Variants in RSRC1 observed in about 807,000 individuals in gnomAD.
RSRC1 encodes the protein serine/Arginine-related protein 53.
A neutral mutation model predicts 49.1 loss-of-function variants in RSRC1; 39 were observed. That is an observed-to-expected ratio of 0.79 (90% CI 0.61 to 1.04). The LOEUF (loss-of-function observed/expected upper bound fraction) is 1.04. RSRC1 is among the 50% of genes least tolerant of loss of function. The probability of loss-of-function intolerance (pLI) is 0.00; values close to 1 mark genes in which losing one functional copy is unlikely to be tolerated. For synonymous variants in RSRC1, 143 were observed against 130.8 expected (o/e 1.09, Z -0.63); for missense variants, 388 against 402.4 (o/e 0.96, Z 0.31).
intron 7 of RSRC1, among the ~76,000 whole-genome samples, chr3:158,510,895 T>G (rs1250979373): frequency 6.6e-6 from 1 of 152,206 alleles, no homozygotes; most frequent in East Asian, 1.9e-4. Context: ...ATTAAATAGA[T>G]TAAGTAAATA....
chr3:158,387,589 C>T (rs1317522544), intron 6 of RSRC1, among the ~76,000 whole-genome samples: 3 of 152,104 alleles, frequency 2.0e-5, no homozygotes, highest in African/African-American at 7.2e-5. Context: ...TTTCACTGGA[C>T]TCAGTGCCTT....
intron 6 of RSRC1, among the ~76,000 whole-genome samples, chr3:158,429,787 G>A (rs1043962777): frequency 1.6e-4 from 24 of 151,202 alleles, no homozygotes; most frequent in Admixed American, 1.3e-3. Flanking sequence ...ACAGAAAGAC[G>A]AACACTGCAT....
chr3:158,414,075 A>G (rs1734612213), intron 6 of RSRC1, among the ~76,000 whole-genome samples: 1 of 152,214 alleles, frequency 6.6e-6, no homozygotes, highest in Admixed American at 6.5e-5. Context: ...AATATAAATT[A>G]TTCTCTTATA....
Position 158,311,298 on chromosome 3 carries a change from G to A in RSRC1, c.531+13223G>A, listed in dbSNP as rs552253855. Among the ~76,000 whole-genome samples, 10 of 151,638 alleles carry A rather than the reference G, an allele frequency of 6.6e-5. No homozygotes were observed. The East Asian group carries it at 9.6e-4, about 15-fold the overall frequency. ...ATAGTCCCTTAGCACCTGGTATATC[G>A]GTTGTAAAAAGTATATGCTAATTTT... On this transcript the variant is annotated intron_variant, in intron 5 of 9. Transcript: ENST00000611884.
chr3:158,313,349 C>A (rs1402123879), intron 5 of RSRC1, among the ~76,000 whole-genome samples: 1 of 152,048 alleles, frequency 6.6e-6, no homozygotes, highest in African/African-American at 2.4e-5. Context: ...AAATTGGTTG[C>A]CTTAAATTGG....
chr3:158,361,348 G>C (rs1195535099), intron 6 of RSRC1, among the ~76,000 whole-genome samples: 1 of 152,198 alleles, frequency 6.6e-6, no homozygotes, highest in Non-Finnish European at 1.5e-5. Flanking sequence ...TGCAGTAGCA[G>C]TGGGCAAGAG....
intron 5 of RSRC1, among the ~76,000 whole-genome samples, chr3:158,349,405 C>A (rs1730737120): frequency 1.3e-5 from 2 of 152,010 alleles, no homozygotes; most frequent in Admixed American, 6.6e-5. Context: ...ATGTTCTTTG[C>A]CCAGTTTTTA....
chr3:158,124,409 G>T (rs1715484384), intron 3 of RSRC1, among the ~76,000 whole-genome samples: 1 of 152,192 alleles, frequency 6.6e-6, no homozygotes, highest in Admixed American at 6.5e-5. Context: ...TCTGGCATTG[G>T]TATCAGAGTA....
intron 6 of RSRC1, among the ~76,000 whole-genome samples, chr3:158,407,987 A>G (rs893532388): frequency 2.0e-5 from 3 of 152,176 alleles, no homozygotes; most frequent in East Asian, 3.9e-4. Flanking sequence ...TTTGCCTTTC[A>G]TGGCTTATAT....
intron 7 of RSRC1, among the ~76,000 whole-genome samples, chr3:158,464,561 G>A (rs1737781839): frequency 6.6e-6 from 1 of 151,634 alleles, no homozygotes; most frequent in Non-Finnish European, 1.5e-5. Context: ...AGACAGAGCA[G>A]TCCTCAAGTC....
At chr3:158,287,594 A>G (rs1726647370) in intron 4 of RSRC1, among the ~76,000 whole-genome samples, 1 of 152,208 alleles carries the variant, frequency 6.6e-6, no homozygotes, top group Admixed American at 6.5e-5. Context: ...CTTATTGTTC[A>G]TCTGTATGCA....
intron 6 of RSRC1, among the ~76,000 whole-genome samples, chr3:158,385,643 G>A (rs1732931700): frequency 6.6e-6 from 1 of 152,126 alleles, no homozygotes; most frequent in South Asian, 2.1e-4. Flanking sequence ...TAAATATGGA[G>A]AAATAACTGT....
intron 5 of RSRC1, among the ~76,000 whole-genome samples, chr3:158,325,564 C>G (rs1211984752): frequency 7.9e-5 from 12 of 152,130 alleles, no homozygotes; most frequent in Non-Finnish European, 1.6e-4. Context: ...TTTCTGAGGG[C>G]TCTATTCTGT....
intron 1 of RSRC1, among the ~76,000 whole-genome samples, chr3:158,119,050 CTTT>C (rs1238471668): frequency 6.6e-6 from 1 of 152,128 alleles, no homozygotes; most frequent in Non-Finnish European, 1.5e-5. Context: ...CCTGGTGCTT[CTTT>C]GATTCATTTT....
chr3:158,492,038 G>T (rs1331891994), intron 7 of RSRC1, among the ~76,000 whole-genome samples: 1 of 152,100 alleles, frequency 6.6e-6, no homozygotes, highest in Non-Finnish European at 1.5e-5. Context: ...CACATGGCTG[G>T]GGGAGGCCTC....
chr3:158,277,151 C>T (rs182663506), intron 4 of RSRC1, among the ~76,000 whole-genome samples: 10 of 152,212 alleles, frequency 6.6e-5, no homozygotes, highest in Non-Finnish European at 1.2e-4. Flanking sequence ...TTATTGAGCA[C>T]AACTTTGTGT....
At chr3:158,365,261 T>C (rs1731697338) in intron 6 of RSRC1, among the ~76,000 whole-genome samples, 1 of 152,138 alleles carries the variant, frequency 6.6e-6, no homozygotes, top group African/African-American at 2.4e-5. Flanking sequence ...CAACCTGTCA[T>C]CTACATTAGG....
At chr3:158,394,163 A>T (rs1439488690) in intron 6 of RSRC1, among the ~76,000 whole-genome samples, 2 of 152,060 alleles carry the variant, frequency 1.3e-5, no homozygotes, top group African/African-American at 4.8e-5. Context: ...TCAAAAAAAT[A>T]AGAACCATTA....
At chr3:158,496,710 C>A in intron 7 of RSRC1, 1 of 254,456 alleles carries the variant, frequency 3.9e-6, no homozygotes, top group South Asian at 5.0e-5. Flanking sequence ...CAGCTTTGGT[C>A]TGTGATGAGC....
Sources: allele counts gnomAD v4.1 joint callset (sites outside exome capture counted in the v4.1 genomes callset), GRCh38; gene constraint gnomAD v4.1.1; transcripts MANE v1.5; gene names NCBI Gene and HGNC (gene_info 2026-07-23, HGNC 2026-07-21).